Variants in DPP6 observed in about 807,000 individuals in gnomAD.
DPP6 encodes dipeptidyl peptidase like 6, also known as A-type potassium channel modulatory protein DPP6.
DPP6 carries 69 observed loss-of-function variants against 122.6 expected under a neutral mutation model. The ratio of observed to expected loss-of-function variants is 0.56; its 90% CI spans 0.46 to 0.69. The LOEUF (loss-of-function observed/expected upper bound fraction) is 0.69, where lower values mean the gene tolerates loss of function less well. Among genes scored for constraint, DPP6 ranks in the 30% least tolerant of loss-of-function variants. The probability of loss-of-function intolerance (pLI) is 0.00; values close to 1 mark genes in which losing one functional copy is unlikely to be tolerated. For synonymous variants in DPP6, 418 were observed against 433.1 expected (o/e 0.97, Z 0.43); for missense variants, 928 against 1,116.9 (o/e 0.83, Z 2.41).
At chr7:154,625,181 C>T (rs1834985578) in intron 5 of DPP6, among the ~76,000 whole-genome samples, 1 of 152,188 alleles carries the variant, frequency 6.6e-6, no homozygotes, top group Non-Finnish European at 1.5e-5. Flanking sequence ...AGAATGTTGA[C>T]ATCCAAGTGG....
At chr7:154,296,479 ACACAAAGC>A (rs1805550690) in intron 1 of DPP6, among the ~76,000 whole-genome samples, 1 of 152,180 alleles carries the variant, frequency 6.6e-6, no homozygotes, top group Admixed American at 6.5e-5. Flanking sequence ...TTCTCAGTAA[ACACAAAGC>A]CATTGGCTTC....
At chr7:153,939,290 G>A (rs373733321) in intron 1 of DPP6, among the ~76,000 whole-genome samples, 5 of 152,242 alleles carry the variant, frequency 3.3e-5, no homozygotes, top group South Asian at 4.1e-4. Context: ...AAGTACAAGC[G>A]TTAAGTCACA....
intron 1 of DPP6, among the ~76,000 whole-genome samples, chr7:154,438,265 A>C (rs1819040398): frequency 6.6e-6 from 1 of 152,042 alleles, no homozygotes; most frequent in South Asian, 2.1e-4. Flanking sequence ...CAGGAGATCG[A>C]GACCATCCTG....
the DPP6 span, among the ~76,000 whole-genome samples, chr7:153,774,957 G>A: frequency 6.6e-6 from 1 of 151,774 alleles, no homozygotes; most frequent in African/African-American, 2.4e-5. Flanking sequence ...CTGGGTAACA[G>A]AGCAAGACCC....
intron 1 of DPP6, among the ~76,000 whole-genome samples, chr7:154,432,833 T>A (rs1402340549): frequency 6.6e-6 from 1 of 152,176 alleles, no homozygotes; most frequent in African/African-American, 2.4e-5. Context: ...TGCTTTTGAC[T>A]TGGTAAAAGA....
chr7:154,007,396 TG>T (rs1403198803), intron 1 of DPP6, among the ~76,000 whole-genome samples: 1 of 152,142 alleles, frequency 6.6e-6, no homozygotes, highest in Non-Finnish European at 1.5e-5. Flanking sequence ...ATGCACACAC[TG>T]GGGTCTCACC....
intron 1 of DPP6, among the ~76,000 whole-genome samples, chr7:154,312,876 T>C (rs964574675): frequency 2.0e-5 from 3 of 152,248 alleles, no homozygotes; most frequent in Non-Finnish European, 4.4e-5. Flanking sequence ...TTTTGTCTTT[T>C]GGAAATAATA....
intron 6 of DPP6, among the ~76,000 whole-genome samples, chr7:154,658,089 A>G (rs1837388769): frequency 6.6e-6 from 1 of 152,238 alleles, no homozygotes; most frequent in South Asian, 2.1e-4. Context: ...AGACGTCTGT[A>G]TGATCCTGCA....
intron 3 of DPP6, among the ~76,000 whole-genome samples, chr7:154,480,076 C>G (rs1273491165): frequency 6.6e-6 from 1 of 151,936 alleles, no homozygotes; most frequent in Non-Finnish European, 1.5e-5. Context: ...CTAAAGGAAC[C>G]ACAGATGCAC....
intron 1 of DPP6, among the ~76,000 whole-genome samples, chr7:154,129,233 A>G (rs1808181711): frequency 1.3e-5 from 2 of 152,154 alleles, no homozygotes; most frequent in Admixed American, 6.5e-5. Context: ...CATTGTGGCT[A>G]GTGTCACCAA....
intron 1 of DPP6, among the ~76,000 whole-genome samples, chr7:154,408,443 ATCT>A (rs1816303185): frequency 1.3e-5 from 2 of 152,068 alleles, no homozygotes; most frequent in Admixed American, 6.5e-5. Flanking sequence ...GTTTTTTTAA[ATCT>A]TTTCAATATA....
intron 1 of DPP6, among the ~76,000 whole-genome samples, chr7:154,376,299 T>C (rs971708845): frequency 6.6e-6 from 1 of 152,226 alleles, no homozygotes; most frequent in African/African-American, 2.4e-5. Flanking sequence ...CTCCGTACTT[T>C]GGTTCTACTT....
chr7:154,724,388 C>G (rs1841964486), intron 7 of DPP6, among the ~76,000 whole-genome samples: 1 of 152,196 alleles, frequency 6.6e-6, no homozygotes, highest in Non-Finnish European at 1.5e-5. Flanking sequence ...GACCTCAGGT[C>G]ACTTCCCATG....
intron 1 of DPP6, among the ~76,000 whole-genome samples, chr7:154,229,369 T>C (rs541553188): frequency 1.3e-5 from 2 of 152,358 alleles, no homozygotes; most frequent in African/African-American, 2.4e-5. Context: ...AGCTCTGCTC[T>C]TGTCTGCAGC....
intron 1 of DPP6, among the ~76,000 whole-genome samples, chr7:154,205,820 C>T (rs928082496): frequency 2.0e-5 from 3 of 152,014 alleles, no homozygotes; most frequent in Admixed American, 6.6e-5. Context: ...CTCAAGATGC[C>T]CTCTTACTGC....
At chr7:153,947,883 G>A (rs942220691) in intron 1 of DPP6, among the ~76,000 whole-genome samples, 5 of 152,258 alleles carry the variant, frequency 3.3e-5, no homozygotes, top group South Asian at 2.1e-4. Flanking sequence ...TCCTTCCTGC[G>A]CCTGACACTG....
chr7:154,862,896 C>A (rs776474045), intron 17 of DPP6, among the ~76,000 whole-genome samples: 1 of 152,212 alleles, frequency 6.6e-6, no homozygotes, highest in Non-Finnish European at 1.5e-5. Context: ...TCTAACAACT[C>A]AACATTCGGA....
At chr7:154,256,711 T>C (rs966850158) in intron 1 of DPP6, among the ~76,000 whole-genome samples, 13 of 152,152 alleles carry the variant, frequency 8.5e-5, no homozygotes, top group African/African-American at 2.7e-4. Flanking sequence ...AGAATCGTCA[T>C]TGTGGAAAGG....
chr7:154,205,041 A>G (rs1476772270), intron 1 of DPP6, among the ~76,000 whole-genome samples: 1 of 152,038 alleles, frequency 6.6e-6, no homozygotes, highest in Non-Finnish European at 1.5e-5. Flanking sequence ...TGCCACTCTG[A>G]TACACCCTCT....
Sources: gnomAD v4.1 joint callset for allele counts (sites outside exome capture counted in the v4.1 genomes callset) on GRCh38, gnomAD v4.1.1 for gene constraint, MANE v1.5 for transcripts, NCBI Gene and HGNC (gene_info 2026-07-23, HGNC 2026-07-21) for gene names.